TNFRSF11B: variants seen among roughly 807,000 people sequenced by gnomAD.
TNFRSF11B encodes the protein TNF receptor superfamily member 11b, also known as tumor necrosis factor receptor superfamily member 11B.
Under a neutral mutation model 43.4 loss-of-function variants are expected in TNFRSF11B, and 16 were observed. The observed-to-expected ratio is 0.37, with a 90% CI of 0.25 to 0.56. The LOEUF is 0.56. Ranked by LOEUF, TNFRSF11B falls within the 20% of genes least tolerant of loss-of-function variation. TNFRSF11B has a pLI of 0.80. For missense variants in TNFRSF11B, 444 were observed against 490.1 expected (o/e 0.91, Z 0.89); for synonymous variants, 185 against 181.8 (o/e 1.02, Z -0.14).
rs575528229 is a variant in TNFRSF11B, at chr8:118,934,717, CACTG to C, written c.31-1421_31-1418del. Reference sequence around the variant, plus strand: ...TGTTTGTTTTTGGTACAGAGATCAACACTGACTATTTTCAGGCCTTGGGGAGGTG... The same window carrying C: ...TGTTTGTTTTTGGTACAGAGATCAACACTATTTTCAGGCCTTGGGGAGGTG... On this transcript the variant is annotated intron_variant, in intron 1 of 4. Coordinates refer to ENST00000297350, the MANE Select transcript of TNFRSF11B (RefSeq NM_002546.4). 1.8e-4 allele frequency among the ~76,000 whole-genome samples: 28 copies of C among 152,268 alleles called. No individual in the cohort carries two copies. The South Asian group carries it at 5.6e-3, about 30-fold the overall frequency.
Position 118,928,858 on chromosome 8 carries a change from C to G in TNFRSF11B, c.472G>C (p.Ala158Pro). 6.2e-7 allele frequency: 1 copy of G among 1,614,162 alleles called. No homozygotes were observed. Residue 158 changes from alanine (A) to proline (P), a missense_variant, in exon 3 of 5, where the codon GCA becomes CCA. Coordinates refer to ENST00000297350, the MANE Select transcript of TNFRSF11B (RefSeq NM_002546.4). ...GFFSNETSSK[A>P]PCRKHTNCSV... ...CAATTTGTGTGTTTTCTACAGGGTG[C>G]TTTAGATGACGTCTCATTTGAGAAG... is the stretch of plus-strand genomic sequence containing the variant.
intron 1 of TNFRSF11B, among the ~76,000 whole-genome samples, chr8:118,939,347 T>A (rs1167477264): frequency 6.6e-6 from 1 of 152,202 alleles, no homozygotes; most frequent in Non-Finnish European, 1.5e-5. Flanking sequence ...GTTGAATAAG[T>A]TAATGTAAGC....
At chr8:118,929,551 T>C (rs752771929) in intron 2 of TNFRSF11B, among the ~76,000 whole-genome samples, 2 of 152,224 alleles carry the variant, frequency 1.3e-5, no homozygotes, top group Non-Finnish European at 2.9e-5. Flanking sequence ...CGGAAGATGA[T>C]ATACCATTTG....
intron 1 of TNFRSF11B, among the ~76,000 whole-genome samples, chr8:118,935,885 C>G (rs772466434): frequency 8.5e-5 from 13 of 152,114 alleles, no homozygotes; most frequent in Non-Finnish European, 1.9e-4. Context: ...TTTTCCCCAG[C>G]AGAACTTCCC....
intron 1 of TNFRSF11B, among the ~76,000 whole-genome samples, chr8:118,946,662 G>A (rs1812565275): frequency 6.6e-6 from 1 of 151,878 alleles, no homozygotes; most frequent in South Asian, 2.1e-4. Flanking sequence ...CCAGACTATC[G>A]ATATCAGAAT....
chr8:118,932,072 T>C (rs1812337870), intron 2 of TNFRSF11B, among the ~76,000 whole-genome samples: 1 of 152,204 alleles, frequency 6.6e-6, no homozygotes, highest in South Asian at 2.1e-4. Flanking sequence ...GGGCTTCAGT[T>C]GAGAAACACT....
At chr8:118,933,326 C>A (rs778772894) in intron 1 of TNFRSF11B, 26 bp from the exon 2 acceptor site, 4 of 1,611,284 alleles carry the variant, frequency 2.5e-6, no homozygotes, top group Non-Finnish European at 2.5e-6. Context: ...AACACAGTGG[C>A]ATCATCTTAG....
chr8:118,927,768 C>A (rs895927929), intron 3 of TNFRSF11B, among the ~76,000 whole-genome samples: 16 of 152,040 alleles, frequency 1.1e-4, no homozygotes, highest in African/African-American at 3.6e-4. Context: ...AAAAGCAAAT[C>A]ATCTTTAGTG....
At chr8:118,936,619 C>T (rs1160876571) in intron 1 of TNFRSF11B, among the ~76,000 whole-genome samples, 1 of 152,088 alleles carries the variant, frequency 6.6e-6, no homozygotes, top group East Asian at 1.9e-4. Context: ...TGATAATATT[C>T]AAAACCTAAT....
At chr8:118,936,423 T>C (rs1812406949) in intron 1 of TNFRSF11B, among the ~76,000 whole-genome samples, 1 of 152,154 alleles carries the variant, frequency 6.6e-6, no homozygotes, top group East Asian at 1.9e-4. Flanking sequence ...GGTCTCAATC[T>C]TTGGTTAGCC....
At position 118,945,329 on chromosome 8, in the gene TNFRSF11B, C is replaced by T. The variant is rs577829840; in HGVS notation, c.30+6463G>A. Among the ~76,000 whole-genome samples, 12 of 152,082 alleles carry T rather than the reference C, an allele frequency of 7.9e-5. No homozygotes were observed. In the East Asian group the frequency reaches 1.7e-3, roughly 22 times the overall value. On this transcript the variant is annotated intron_variant, in intron 1 of 4. Coordinates refer to ENST00000297350, the MANE Select transcript of TNFRSF11B (RefSeq NM_002546.4). ...AATCTTTAAACTGCATCAGACCTTC[C>T]ACATATGACCTATTCTAACCTCTAT...
chr8:118,926,314 T>C (rs547870351), intron 4 of TNFRSF11B, among the ~76,000 whole-genome samples, 180 bp downstream of exon 4: 2 of 152,336 alleles, frequency 1.3e-5, no homozygotes, highest in East Asian at 3.9e-4. Flanking sequence ...CAAAACCTTG[T>C]ATAACTGTTT....
intron 1 of TNFRSF11B, among the ~76,000 whole-genome samples, chr8:118,946,676 G>A (rs1348290561): frequency 6.6e-6 from 1 of 151,996 alleles, no homozygotes; most frequent in African/African-American, 2.4e-5. Context: ...TCAGAATTGT[G>A]CTCTGGGGGC....
chr8:118,942,238 GCC>G (rs11573859), intron 1 of TNFRSF11B, among the ~76,000 whole-genome samples: 91,013 of 133,658 alleles, frequency 0.68, 32,128 homozygotes, highest in African/African-American at 0.92. Flanking sequence ...CCCATGACAG[GCC>G]CCCCCGTGTG....
chr8:118,928,836 T>C lies in TNFRSF11B; in HGVS notation c.494A>G (p.Asn165Ser). Reference protein sequence around the residue: ...SSKAPCRKHTNCSVFGLLLTQ... With the variant: ...SSKAPCRKHTSCSVFGLLLTQ... ...TAGCAGGAGACCAAAGACACTGCAA[T>C]TTGTGTGTTTTCTACAGGGTGCTTT... Residue 165 changes from asparagine to serine, a missense_variant, in exon 3 of 5, where the codon AAT becomes AGT. Asn to Ser is a conservative substitution (Grantham distance 46). Transcript: ENST00000297350. 1.2e-6 allele frequency: 2 copies of C among 1,614,192 alleles called. No homozygotes were observed. The highest frequency in any genetic ancestry group is 2.2e-5 in the South Asian group (2 of 91,084).
intron 1 of TNFRSF11B, among the ~76,000 whole-genome samples, 198 bp from the exon 2 acceptor site, chr8:118,933,498 T>A (rs1812357316): frequency 6.6e-6 from 1 of 152,124 alleles, no homozygotes; most frequent in African/African-American, 2.4e-5. Flanking sequence ...GCAGTGAACA[T>A]ATTAACTAAA....
intron 1 of TNFRSF11B, among the ~76,000 whole-genome samples, chr8:118,950,520 G>A (rs775284799): frequency 3.2e-4 from 49 of 152,230 alleles, no homozygotes; most frequent in Admixed American, 5.9e-4. Flanking sequence ...AGTGATGGAA[G>A]CTCTTGAGGT....
chr8:118,926,698 C>A lies in TNFRSF11B; in HGVS notation c.613G>T (p.Ala205Ser), dbSNP rs1273535537. The change falls in exon 4 of 5, where the codon GCA becomes TCA. Residue 205 changes from alanine (A) to serine (S), a missense_variant. Coordinates refer to ENST00000297350, the MANE Select transcript of TNFRSF11B (RefSeq NM_002546.4). Reference protein sequence around the residue: ...CGIDVTLCEEAFFRFAVPTKF... With the variant: ...CGIDVTLCEESFFRFAVPTKF... ...GTAGGAACAGCAAACCTGAAGAATG[C>A]CTCCTCACACAGGGTAACATCTAAA... 1.2e-6 allele frequency: 2 copies of A among 1,613,812 alleles called. No individual in the cohort carries two copies. The highest frequency in any genetic ancestry group is 1.7e-5 in the Admixed American group (1 of 59,982).
intron 4 of TNFRSF11B, among the ~76,000 whole-genome samples, 190 bp from the exon 5 acceptor site, chr8:118,924,952 AATAAG>A (rs1487720504): frequency 6.6e-6 from 1 of 152,146 alleles, no homozygotes; most frequent in African/African-American, 2.4e-5. Flanking sequence ...TTTTTGTTAT[AATAAG>A]ATAATATGCT....
Sources: gnomAD v4.1 joint callset for allele counts (sites outside exome capture counted in the v4.1 genomes callset) on GRCh38, gnomAD v4.1.1 for gene constraint, MANE v1.5 for transcripts, NCBI Gene and HGNC (gene_info 2026-07-23, HGNC 2026-07-21) for gene names.